NLRP1: variants seen among roughly 807,000 people sequenced by gnomAD.
The protein encoded by NLRP1 is NLR family pyrin domain containing 1.
A neutral mutation model predicts 136.7 loss-of-function variants in NLRP1; 94 were observed. The ratio of observed to expected loss-of-function variants is 0.69; its 90% CI spans 0.58 to 0.82. The LOEUF is 0.82. NLRP1 is among the 40% of genes least tolerant of loss of function. The pLI is 0.00. For synonymous variants in NLRP1, 690 were observed against 725.1 expected (o/e 0.95, Z 0.78); for missense variants, 1,575 against 1,802.7 (o/e 0.87, Z 2.29).
chr17:5,533,467 G>T, intron 9 of NLRP1, 83 bp from the exon 10 acceptor site: 1 of 679,684 alleles, frequency 1.5e-6, no homozygotes, highest in Non-Finnish European at 2.7e-6. Context: ...GAGGTGGGAG[G>T]ATTGTTTGAG....
chr17:5,569,778 C>T (rs1394586463), intron 3 of NLRP1, among the ~76,000 whole-genome samples: 1 of 152,138 alleles, frequency 6.6e-6, no homozygotes, highest in African/African-American at 2.4e-5. Context: ...GCCTAAGAGA[C>T]ATCTACAGAA....
At chr17:5,511,439 T>A (rs866781674), downstream of NLRP1, among the ~76,000 whole-genome samples, 16 of 137,352 alleles carry the variant, frequency 1.2e-4, 1 homozygote, top group South Asian at 1.2e-3. Context: ...AGCCTCCGTC[T>A]AAAAAAAAAA....
chr17:5,501,529 G>T, exon 16 of NLRP1: 1 of 334,482 alleles, frequency 3.0e-6, no homozygotes. Flanking sequence ...AAGGTCCAGA[G>T]ATAATACAGC....
At chr17:5,561,925 C>A (rs1043743839) in intron 3 of NLRP1, among the ~76,000 whole-genome samples, 1 of 152,210 alleles carries the variant, frequency 6.6e-6, no homozygotes, top group Non-Finnish European at 1.5e-5. Flanking sequence ...CCCGGTTCCC[C>A]GAGAAACACT....
intron 3 of NLRP1, among the ~76,000 whole-genome samples, chr17:5,567,396 T>C (rs572268765): frequency 3.9e-5 from 6 of 152,218 alleles, no homozygotes; most frequent in African/African-American, 1.4e-4. Context: ...TATTTTAATC[T>C]GATAACAACA....
chr17:5,574,963 A>G (rs1163474729), intron 3 of NLRP1, among the ~76,000 whole-genome samples: 1 of 152,038 alleles, frequency 6.6e-6, no homozygotes, highest in Non-Finnish European at 1.5e-5. Flanking sequence ...CACGCCTGGC[A>G]ATATTCAACT....
chr17:5,542,113 T>C (rs1597432652), intron 5 of NLRP1, 86 bp from the exon 6 acceptor site: 2 of 1,359,244 alleles, frequency 1.5e-6, no homozygotes, highest in East Asian at 2.5e-5. Flanking sequence ...TCACCTACTA[T>C]GCACCAGGCC....
At chr17:5,534,017 A>C (rs1041039048) in intron 8 of NLRP1, 29 bp from the exon 9 acceptor site, 1 of 1,499,760 alleles carries the variant, frequency 6.7e-7, no homozygotes, top group Non-Finnish European at 9.3e-7. Context: ...ATTCTGCCTA[A>C]GATCTTGGAG....
At chr17:5,523,878 A>C (rs1455278456) in intron 12 of NLRP1, among the ~76,000 whole-genome samples, 5 of 152,258 alleles carry the variant, frequency 3.3e-5, no homozygotes, top group Non-Finnish European at 7.3e-5. Flanking sequence ...ATCTGAAAAA[A>C]TGAGGAAGAA....
chr17:5,541,914 C>T lies in NLRP1; in HGVS notation c.2642G>A (p.Gly881Glu). 1 of 1,614,100 alleles carries T rather than the reference C, an allele frequency of 6.2e-7. No individual in the cohort carries two copies. The highest frequency in any genetic ancestry group is 2.2e-5 in the East Asian group (1 of 44,852). ...CAGTCTCTGGCAAAGGTGTTTGGCT[C>T]CAGCATCCGTGAGCACATTGAAGCT... ...DLSFNVLTDA[G>E]AKHLCQRLRQ... Residue 881 changes from glycine (G) to glutamate (E), a missense_variant, in exon 6 of 17, where the codon GGA (glycine) becomes GAA (glutamate). Gly to Glu is a moderately conservative substitution (Grantham distance 98). Transcript: ENST00000572272. The surrounding 1 kb of genome is among the most constrained non-coding windows in gnomAD (Gnocchi z 4.2).
rs1207663827 is a variant in NLRP1 at position 5,530,525 on chromosome 17, C to T, written c.3476G>A (p.Gly1159Glu). 1 of 1,614,190 alleles carries T rather than the reference C, an allele frequency of 6.2e-7. No individual in the cohort carries two copies. The highest frequency in any genetic ancestry group is 1.7e-5 in the Admixed American group (1 of 60,022). Reference sequence around the variant, plus strand: ...AGGGAGGTGCACAGCTTCCACAGCTCCAGGCTCAGCCTTGATGTCCAGCAG... The same window carrying T: ...AGGGAGGTGCACAGCTTCCACAGCTTCAGGCTCAGCCTTGATGTCCAGCAG... Reference protein sequence around the residue: ...GPLLDIKAEPGAVEAVHLPHF... With the variant: ...GPLLDIKAEPEAVEAVHLPHF... Residue 1159 changes from glycine (G) to glutamate (E), a missense_variant, in exon 12 of 17, where the codon GGA becomes GAA. Coordinates refer to ENST00000572272, the MANE Select transcript of NLRP1 (RefSeq NM_033004.4).
chr17:5,581,914 C>T lies in NLRP1; in HGVS notation c.597G>A (p.Gln199=), dbSNP rs780546509. 1.2e-6 allele frequency: 2 copies of T among 1,613,814 alleles called. No individual in the cohort carries two copies. The highest frequency in any genetic ancestry group is 3.4e-4 in the Middle Eastern group (2 of 5,846). ...PPQPSLAPRE[Q]EAPGTQWPLD... is the part of the protein sequence containing the mutation. ...GAGGCCATTGGGTCCCAGGAGCCTC[C>T]TGCTCTCTGGGTGCTAGGCTGGGCT... Residue 199 remains glutamine, a synonymous_variant, in exon 3 of 17, where the codon CAG becomes CAA. Transcript: ENST00000572272.
At position 5,537,761 on chromosome 17, in the gene NLRP1, C is replaced by T. The variant is rs1456276792; in HGVS notation, c.2871-821G>A. ...GGAGGGAAGGAGGTGGAAACCTACT[C>T]GGGACTCTAGAGAGCAAACCCCCTC... is the stretch of plus-strand genomic sequence containing the variant. On this transcript the variant is annotated intron_variant, in intron 7 of 16. Transcript: ENST00000572272. This position sits in a 1 kb window ranked among gnomAD's most constrained non-coding sequence, Gnocchi z 4.5. Among the ~76,000 whole-genome samples, 1 of 152,148 alleles carries T rather than the reference C, an allele frequency of 6.6e-6. No individual in the cohort carries two copies. The highest frequency in any genetic ancestry group is 2.1e-4 in the South Asian group (1 of 4,830).
intron 14 of NLRP1, 28 bp from the exon 15 acceptor site, chr17:5,517,915 C>A (rs201563922): frequency 1.2e-4 from 191 of 1,612,468 alleles, no homozygotes; most frequent in Non-Finnish European, 2.3e-5. Context: ...TGAGTTGCCA[C>A]CCTGTTCATC....
intron 3 of NLRP1, among the ~76,000 whole-genome samples, chr17:5,565,846 T>C (rs1915273827): frequency 6.6e-6 from 1 of 152,218 alleles, no homozygotes; most frequent in Non-Finnish European, 1.5e-5. Context: ...TATTACGGCT[T>C]CCATGTTGTT....
intron 15 of NLRP1, chr17:5,501,940 C>T (rs1907108953): frequency 3.5e-6 from 5 of 1,423,470 alleles, no homozygotes; most frequent in Non-Finnish European, 4.0e-6. Context: ...GTCCACTGGC[C>T]GGCTTTGTTA....
Position 5,583,668 on chromosome 17 carries a change from G to C in NLRP1, c.271+19C>G. 6.5e-7 allele frequency: 1 copy of C among 1,548,174 alleles called. No individual in the cohort carries two copies. The highest frequency in any genetic ancestry group is 8.7e-7 in the Non-Finnish European group (1 of 1,145,636). ...GCCAGGGGATGTCCCGCGGGCAGTG[G>C]GGTCCTCTGTCCACTCACCTGCCCC... On this transcript the variant is annotated intron_variant, in intron 1 of 16. Transcript: ENST00000572272. The surrounding 1 kb of genome is among the most constrained non-coding windows in gnomAD (Gnocchi z 4.5).
At chr17:5,531,692 G>A (rs535036614) in intron 11 of NLRP1, among the ~76,000 whole-genome samples, 2 of 152,254 alleles carry the variant, frequency 1.3e-5, no homozygotes, top group African/African-American at 4.8e-5. Context: ...TGATGTCTGT[G>A]GCAGTGTTTG....
At chr17:5,568,477 T>C (rs1915547817) in intron 3 of NLRP1, among the ~76,000 whole-genome samples, 1 of 152,194 alleles carries the variant, frequency 6.6e-6, no homozygotes, top group South Asian at 2.1e-4. Flanking sequence ...TGTGTTATCT[T>C]GAGTTTCTTT....
Sources: allele counts gnomAD v4.1 joint callset (sites outside exome capture counted in the v4.1 genomes callset), GRCh38; gene constraint gnomAD v4.1.1; non-coding constraint Gnocchi (gnomAD v3.1); transcripts MANE v1.5; gene names NCBI Gene and HGNC (gene_info 2026-07-23, HGNC 2026-07-21).